Variants in PTAR1 observed in about 807,000 individuals in gnomAD.
The protein encoded by PTAR1 is protein prenyltransferase alpha subunit repeat containing 1.
Under a neutral mutation model 45.5 loss-of-function variants are expected in PTAR1, and 17 were observed. The observed-to-expected ratio is 0.37, with a 90% CI of 0.26 to 0.56. PTAR1 has a LOEUF of 0.56. Ranked by LOEUF, PTAR1 falls within the 20% of genes least tolerant of loss-of-function variation. The pLI, the probability that PTAR1 is intolerant of heterozygous loss-of-function variation, is 0.77. For missense variants in PTAR1, 391 were observed against 476.3 expected (o/e 0.82, Z 1.67); for synonymous variants, 169 against 171.3 (o/e 0.99, Z 0.11).
chr9:69,717,991 G>C lies in PTAR1; in HGVS notation c.*351C>G, dbSNP rs1337997917. The C allele has an allele frequency of 5.7e-6, 1 of 174,670 alleles. No homozygotes were observed. Among genetic ancestry groups the C allele is most frequent in the South Asian group, 1.9e-4 (1 of 5,290 alleles). The allele number at this position is 174,670 out of a possible 1,614,324, so 10.8% of individuals were successfully genotyped here. A position where few individuals can be genotyped will look rare whatever the true frequency, so the allele number is the denominator to read the frequency against. Reference sequence around the variant, plus strand: ...GGCCTTAAATTTTTAATTTTTAAAAGAATTTGCCTATGCAGCAATTGGACT... The same window carrying C: ...GGCCTTAAATTTTTAATTTTTAAAACAATTTGCCTATGCAGCAATTGGACT... On this transcript the variant is annotated 3_prime_UTR_variant, in exon 8 of 8. Transcript: ENST00000340434.
intron 3 of PTAR1, among the ~76,000 whole-genome samples, chr9:69,740,175 A>G (rs763556885): frequency 6.6e-6 from 1 of 152,130 alleles, no homozygotes; most frequent in African/African-American, 2.4e-5. Flanking sequence ...AATGAATAAC[A>G]TGTGTGTATA....
intron 1 of PTAR1, among the ~76,000 whole-genome samples, chr9:69,756,714 C>T (rs113754189): frequency 1.2e-4 from 18 of 152,066 alleles, no homozygotes; most frequent in Non-Finnish European, 2.2e-4. Flanking sequence ...CACCCCTATC[C>T]GAGACATAAC....
intron 3 of PTAR1, among the ~76,000 whole-genome samples, chr9:69,736,801 AG>A (rs1289867964): frequency 1.3e-5 from 2 of 152,158 alleles, no homozygotes; most frequent in African/African-American, 4.8e-5. Flanking sequence ...AAAAAGAAAA[AG>A]AAAAAAATGG....
chr9:69,739,963 AT>A (rs1013869601), intron 3 of PTAR1, among the ~76,000 whole-genome samples: 3 of 152,270 alleles, frequency 2.0e-5, no homozygotes, highest in Non-Finnish European at 2.9e-5. Context: ...AACCAGACAT[AT>A]TTTTTTAAAA....
chr9:69,734,208 G>A lies in PTAR1; in HGVS notation c.370C>T (p.His124Tyr). 1 of 1,340,986 alleles carries A rather than the reference G, an allele frequency of 7.5e-7. No individual in the cohort carries two copies. Among genetic ancestry groups the A allele is most frequent in the Non-Finnish European group, 9.9e-7 (1 of 1,012,864 alleles). The allele number at this position is 1,340,986 out of a possible 1,614,324, so 83.1% of individuals were successfully genotyped here. The change falls in exon 4 of 8, where the codon CAT (histidine) becomes TAT (tyrosine). Residue 124 changes from histidine (H) to tyrosine (Y), a missense_variant. This residue lies in a region of PTAR1 where 152 missense variants were observed against 160.0 expected (regional missense o/e 0.95). Coordinates refer to ENST00000340434, the MANE Select transcript of PTAR1 (RefSeq NM_001099666.2). The stretch of plus-strand genomic sequence containing the variant: ...TTGGTTAAGGCGAGTTTTCCCAGAT[G>A]TAAATCCTTAATTGGATTTAAAGTG... Reference protein sequence around the residue: ...SGTLNPIKDLHLGKLALTKFP... With the variant: ...SGTLNPIKDLYLGKLALTKFP...
At position 69,716,263 on chromosome 9, in the gene PTAR1, C is replaced by A. The variant is rs765490642; in HGVS notation, c.*2079G>T. 6.6e-6 allele frequency: 1 copy of A among 152,020 alleles called. No individual in the cohort carries two copies. The highest frequency in any genetic ancestry group is 1.5e-5 in the Non-Finnish European group (1 of 68,000). 9.4% of individuals were successfully genotyped at this position (152,020 alleles called of 1,614,324 possible). ...TGTGTAGTTTGCCCCCAAACACTCA[C>A]AGGAGCTAAAAATCATAAACTTATG... is the stretch of plus-strand genomic sequence containing the variant. On this transcript the variant is annotated 3_prime_UTR_variant, in exon 8 of 8. Coordinates refer to ENST00000340434, the MANE Select transcript of PTAR1 (RefSeq NM_001099666.2).
intron 5 of PTAR1, among the ~76,000 whole-genome samples, chr9:69,726,593 T>C (rs908313535): frequency 6.6e-6 from 1 of 152,014 alleles, no homozygotes. Context: ...TGGAAGTACA[T>C]GTTAATGCTT....
At position 69,713,987 on chromosome 9, in the gene PTAR1, A is replaced by C. The variant is rs1824627134; in HGVS notation, c.*4355T>G. 1 of 152,126 alleles carries C rather than the reference A, an allele frequency of 6.6e-6. No homozygotes were observed. The highest frequency in any genetic ancestry group is 1.5e-5 in the Non-Finnish European group (1 of 68,004). The allele number at this position is 152,126 out of a possible 1,614,324, so 9.4% of individuals were successfully genotyped here. On this transcript the variant is annotated 3_prime_UTR_variant, in exon 8 of 8. Transcript: ENST00000340434. ...AAACATTAAATATAATCTTGCTCCC[A>C]AAAAAGTAAGAAAGGCACTCGAATT...
intron 6 of PTAR1, 121 bp from the exon 7 acceptor site, chr9:69,718,805 C>T (rs1564125007): frequency 1.5e-6 from 1 of 648,620 alleles, no homozygotes; most frequent in Non-Finnish European, 2.5e-6. Context: ...CATTTCATAA[C>T]CAAGTTATAC....
At chr9:69,757,285 C>T (rs985702707) in intron 1 of PTAR1, 6 of 152,114 alleles carry the variant, frequency 3.9e-5, no homozygotes, top group African/African-American at 1.4e-4. Flanking sequence ...TTAGAGAATC[C>T]AATATGATTA....
chr9:69,754,832 G>A (rs1441076975), intron 1 of PTAR1, among the ~76,000 whole-genome samples: 1 of 151,808 alleles, frequency 6.6e-6, no homozygotes, highest in Non-Finnish European at 1.5e-5. Context: ...AGGATTACAG[G>A]TGTGAGTCAC....
chr9:69,757,589 T>G (rs1005951908), intron 1 of PTAR1: 2 of 152,198 alleles, frequency 1.3e-5, no homozygotes, highest in African/African-American at 4.8e-5. Context: ...TGGCTAAATA[T>G]TTCTACATAA....
intron 3 of PTAR1, 50 bp downstream of exon 3, chr9:69,741,742 C>G: frequency 7.9e-7 from 1 of 1,267,998 alleles, no homozygotes; most frequent in Non-Finnish European, 1.1e-6. Flanking sequence ...GCTTACATGT[C>G]TTCAGAAATT....
At chr9:69,746,841 A>G (rs1564144203) in intron 2 of PTAR1, among the ~76,000 whole-genome samples, 1 of 152,248 alleles carries the variant, frequency 6.6e-6, no homozygotes, top group Non-Finnish European at 1.5e-5. Flanking sequence ...AAATGGCCCA[A>G]GGCCAGTAGT....
Position 69,737,716 on chromosome 9 carries a change from C to T in PTAR1, c.324-3462G>A, listed in dbSNP as rs546568345. Among the ~76,000 whole-genome samples, 3 of 152,252 alleles carry T rather than the reference C, an allele frequency of 2.0e-5. No homozygotes were observed. The East Asian group carries it at 5.8e-4, about 29-fold the overall frequency. On this transcript the variant is annotated intron_variant, in intron 3 of 7. Coordinates refer to ENST00000340434, the MANE Select transcript of PTAR1 (RefSeq NM_001099666.2). ...TTGAACACTTCCTCTGAGTCAAGAACCGTGTAAAGTGATTTACATATGTTA... is the reference window on the plus strand; with the variant it reads ...TTGAACACTTCCTCTGAGTCAAGAATCGTGTAAAGTGATTTACATATGTTA...
At chr9:69,752,998 G>A (rs1826599224) in intron 1 of PTAR1, among the ~76,000 whole-genome samples, 1 of 152,020 alleles carries the variant, frequency 6.6e-6, no homozygotes, top group Non-Finnish European at 1.5e-5. Context: ...AACTCAATGT[G>A]ATTATTTCAG....
intron 3 of PTAR1, among the ~76,000 whole-genome samples, chr9:69,739,677 A>G (rs1430750929): frequency 6.6e-6 from 1 of 152,186 alleles, no homozygotes; most frequent in East Asian, 1.9e-4. Context: ...GATACGCAAT[A>G]GAGACCTTAT....
rs1164982845 is a variant in PTAR1, at chr9:69,715,621, T to C, written c.*2721A>G. 6.6e-6 allele frequency: 1 copy of C among 152,128 alleles called. No homozygotes were observed. Among genetic ancestry groups the C allele is most frequent in the Admixed American group, 6.6e-5 (1 of 15,252 alleles). The allele number at this position is 152,128 out of a possible 1,614,324, so 9.4% of individuals were successfully genotyped here. On this transcript the variant is annotated 3_prime_UTR_variant, in exon 8 of 8. Transcript: ENST00000340434. ...TGAAATATGTGTCAATAAGCCATCT[T>C]TTCCTTTTAACAATTAGATTGTTAT...
intron 5 of PTAR1, 81 bp downstream of exon 5, chr9:69,732,058 A>G: frequency 2.0e-6 from 2 of 993,280 alleles, no homozygotes; most frequent in Non-Finnish European, 3.0e-6. Context: ...TACTCCTTCA[A>G]AGCTCTTCTG....
Sources: allele counts gnomAD v4.1 joint callset (sites outside exome capture counted in the v4.1 genomes callset), GRCh38; gene constraint gnomAD v4.1.1; regional missense constraint gnomAD v4.1.1; transcripts MANE v1.5; gene names NCBI Gene and HGNC (gene_info 2026-07-23, HGNC 2026-07-21).